Variants in CES5A observed in about 807,000 individuals in gnomAD.
CES5A encodes the protein carboxylesterase 5A.
Under a neutral mutation model 62.9 loss-of-function variants are expected in CES5A, and 67 were observed. The ratio of observed to expected loss-of-function variants is 1.07; its 90% CI spans 0.88 to 1.31. The LOEUF (loss-of-function observed/expected upper bound fraction) is 1.31, where lower values mean the gene tolerates loss of function less well. Ranked by LOEUF, CES5A falls within the 50% of genes most tolerant of loss-of-function variation. The pLI, the probability that CES5A is intolerant of heterozygous loss-of-function variation, is 0.00. For synonymous variants in CES5A, 296 were observed against 280.8 expected (o/e 1.05, Z -0.54); for missense variants, 748 against 708.5 (o/e 1.06, Z -0.63).
At chr16:55,922,906 CAT>C (rs1440123675) in intron 1 of CES5A, among the ~76,000 whole-genome samples, 25 of 151,496 alleles carry the variant, frequency 1.7e-4, no homozygotes, top group Admixed American at 7.2e-4. Context: ...ACTTTACAAA[CAT>C]GTGGAAATTA....
chr16:55,854,433 A>C (rs1417647270), intron 9 of CES5A, among the ~76,000 whole-genome samples: 1 of 151,526 alleles, frequency 6.6e-6, no homozygotes, highest in African/African-American at 2.4e-5. Context: ...TATCATCAAT[A>C]TCTCTCAAAC....
intron 1 of CES5A, among the ~76,000 whole-genome samples, chr16:55,886,605 C>A (rs1360914236): frequency 3.3e-5 from 5 of 152,156 alleles, no homozygotes; most frequent in African/African-American, 1.2e-4. Flanking sequence ...TGCCCACTGG[C>A]CAGCAGCAGA....
chr16:55,847,071 C>T (rs79389887), intron 11 of CES5A, among the ~76,000 whole-genome samples: 4,433 of 152,238 alleles, frequency 0.029, 302 homozygotes, highest in East Asian at 0.25. Flanking sequence ...TCTTCCCTGT[C>T]CACCCCGTGT....
At position 55,872,187 on chromosome 16, in the gene CES5A, A is replaced by ACATTTCCAGGCCTCTCTACCTGGAAC. The variant is rs2033605637; in HGVS notation, c.279-450_279-425dup. 3.3e-5 allele frequency among the ~76,000 whole-genome samples: 5 copies of ACATTTCCAGGCCTCTCTACCTGGAAC among 152,330 alleles called. No individual in the cohort carries two copies. The South Asian group carries it at 1.0e-3, about 32-fold the overall frequency. ...ATTCTGTCCCCAGATGCGCAAAGGA[A>ACATTTCCAGGCCTCTCTACCTGGAAC]CATTTCCAGGCCTCTCTACCTGGAA... is the stretch of plus-strand genomic sequence containing the variant. On this transcript the variant is annotated intron_variant, in intron 2 of 12. Transcript: ENST00000290567.
At chr16:55,935,989 A>G (rs2034370269) in intron 2 of CES5A, among the ~76,000 whole-genome samples, 1 of 152,194 alleles carries the variant, frequency 6.6e-6, no homozygotes, top group South Asian at 2.1e-4. Flanking sequence ...CATTGCTGCC[A>G]ATATTCCAAT....
At chr16:55,861,778 T>C (rs1258872109) in intron 6 of CES5A, among the ~76,000 whole-genome samples, 11 of 152,190 alleles carry the variant, frequency 7.2e-5, no homozygotes, top group Admixed American at 7.2e-4. Flanking sequence ...TGTCAGTCTG[T>C]GGCTGTGGAA....
At chr16:55,949,088 G>C (rs1278668051) in intron 2 of CES5A, among the ~76,000 whole-genome samples, 1 of 152,212 alleles carries the variant, frequency 6.6e-6, no homozygotes, top group Admixed American at 6.5e-5. Flanking sequence ...ATAGTGCTTT[G>C]CTCTGATACA....
chr16:55,950,469 A>T (rs533189877), intron 1 of CES5A, among the ~76,000 whole-genome samples: 1 of 152,344 alleles, frequency 6.6e-6, no homozygotes, highest in African/African-American at 2.4e-5. Flanking sequence ...CTGAAATTTT[A>T]AAAAATCAAT....
intron 1 of CES5A, among the ~76,000 whole-genome samples, chr16:55,911,912 G>T (rs1022577496): frequency 7.9e-5 from 12 of 152,192 alleles, no homozygotes; most frequent in African/African-American, 2.9e-4. Flanking sequence ...CAGGGAGAGG[G>T]ATGTGTATTC....
rs780465052 is a variant in CES5A at position 55,875,198 on chromosome 16, T to C, written c.24A>G (p.Pro8=). 14 of 1,613,866 alleles carry C rather than the reference T, an allele frequency of 8.7e-6. No individual in the cohort carries two copies. Among genetic ancestry groups the C allele is most frequent in the Non-Finnish European group, 1.1e-5 (13 of 1,179,942 alleles). The part of the protein sequence containing the change: MSGNWVH[P]GQILIWAIWV... Reference sequence around the variant, plus strand: ...AGATAGCCCAAATTAGGATCTGGCCTGGGTGCACCCAATTCCCACTCATTT... The same window carrying C: ...AGATAGCCCAAATTAGGATCTGGCCCGGGTGCACCCAATTCCCACTCATTT... Residue 8 remains proline, a synonymous_variant, in exon 1 of 13, where the codon CCA becomes CCG. Transcript: ENST00000290567.
intron 1 of CES5A, among the ~76,000 whole-genome samples, chr16:55,885,263 T>G (rs575445454): frequency 1.2e-4 from 19 of 152,300 alleles, no homozygotes; most frequent in Non-Finnish European, 2.9e-5. Flanking sequence ...CATCACCTTG[T>G]GCCTCGTCAA....
chr16:55,866,562 C>T (rs1597121443), intron 4 of CES5A, among the ~76,000 whole-genome samples: 1 of 151,052 alleles, frequency 6.6e-6, no homozygotes, highest in Admixed American at 6.6e-5. Flanking sequence ...GTGGCTCATG[C>T]CTGTAATCCC....
chr16:55,871,703 C>T lies in CES5A; in HGVS notation c.339G>A (p.Pro113=), dbSNP rs80178015. The change falls in exon 3 of 13, where the codon CCG becomes CCA. Residue 113 remains proline (P), a synonymous_variant. Coordinates refer to ENST00000290567, the MANE Select transcript of CES5A (RefSeq NM_001143685.2). ...LDQHMLKVHY[P]KFGVSEDCLY... is the part of the protein sequence containing the mutation. ...GGCAGTCTTCTGACACTCCGAATTT[C>T]GGGTAATGCACCTTGAGCATATGTT... The T allele has an allele frequency of 3.5e-3, 5,707 of 1,614,028 alleles. 173 individuals carry two copies. The East Asian group carries it at 0.055, about 16-fold the overall frequency.
chr16:55,895,833 T>C (rs530911822), intron 1 of CES5A, among the ~76,000 whole-genome samples: 1 of 152,158 alleles, frequency 6.6e-6, no homozygotes, highest in East Asian at 1.9e-4. Flanking sequence ...ATCCCCAATA[T>C]GGCAGCATTT....
rs545390151 is a variant in CES5A at position 55,910,489 on chromosome 16, C to T, written c.-256+14834G>A. ...ACTTGCTCCCTGAGCCCCAGAAACA[C>T]CATTAACCATTTGATTGCACACTCT... On this transcript the variant is annotated intron_variant, in intron 1 of 12. Transcript: ENST00000518005. Among the ~76,000 whole-genome samples, 10 of 152,354 alleles carry T rather than the reference C, an allele frequency of 6.6e-5. 1 individual carries two copies. The South Asian group carries it at 2.1e-3, about 32-fold the overall frequency.
At chr16:55,888,094 G>A (rs2033836191) in intron 1 of CES5A, among the ~76,000 whole-genome samples, 3 of 152,116 alleles carry the variant, frequency 2.0e-5, no homozygotes, top group Admixed American at 1.3e-4. Flanking sequence ...TAGCTTACCT[G>A]CTTTTTCTTT....
At chr16:55,872,189 A>G (rs1236897147) in intron 2 of CES5A, among the ~76,000 whole-genome samples, 1 of 152,120 alleles carries the variant, frequency 6.6e-6, no homozygotes, top group Non-Finnish European at 1.5e-5. Context: ...GCAAAGGAAC[A>G]TTTCCAGGCC....
intron 2 of CES5A, among the ~76,000 whole-genome samples, chr16:55,943,077 G>C (rs1207630842): frequency 6.6e-6 from 1 of 152,148 alleles, no homozygotes; most frequent in Non-Finnish European, 1.5e-5. Flanking sequence ...GCTTATTTTG[G>C]ATAATGGTTT....
At chr16:55,953,383 C>G (rs1318818031) in intron 1 of CES5A, among the ~76,000 whole-genome samples, 3 of 152,094 alleles carry the variant, frequency 2.0e-5, no homozygotes, top group African/African-American at 4.8e-5. Context: ...AGAGACAAAA[C>G]TGTTAGTATA....
Sources: gnomAD v4.1 joint callset for allele counts (sites outside exome capture counted in the v4.1 genomes callset) on GRCh38, gnomAD v4.1.1 for gene constraint, MANE v1.5 for transcripts, NCBI Gene and HGNC (gene_info 2026-07-23, HGNC 2026-07-21) for gene names.